The following SLC6A4 variants were observed in gnomAD, a reference collection of about 807,000 sequenced individuals.
The protein encoded by SLC6A4 is sodium-dependent serotonin transporter.
A neutral mutation model predicts 73.4 loss-of-function variants in SLC6A4; 22 were observed. That is an observed-to-expected ratio of 0.30 (90% CI 0.21 to 0.43). SLC6A4 has a LOEUF of 0.43. Ranked by LOEUF, SLC6A4 falls within the 20% of genes least tolerant of loss-of-function variation. The pLI, the probability that SLC6A4 is intolerant of heterozygous loss-of-function variation, is 1.00. For missense variants in SLC6A4, 593 were observed against 808.5 expected, an observed-to-expected ratio of 0.73 and a Z score of 3.23; for synonymous variants, 270 against 315.5, an observed-to-expected ratio of 0.86 and a Z score of 1.53.
At chr17:30,200,053 G>A (rs193033053) in intron 14 of SLC6A4, among the ~76,000 whole-genome samples, 174 of 152,232 alleles carry the variant, frequency 1.1e-3, no homozygotes, top group African/African-American at 3.6e-3. Context: ...TGCATGGTAC[G>A]ATGCTCAACT....
chr17:30,206,255 AAAAC>A, intron 13 of SLC6A4: 1 of 152,068 alleles, frequency 6.6e-6, no homozygotes, highest in African/African-American at 2.4e-5. Flanking sequence ...AAAAAAAAAA[AAAAC>A]ACAAAAAAAA....
At position 30,218,319 on chromosome 17, in the gene SLC6A4, C is replaced by G. The variant is rs1451855468; in HGVS notation, c.497G>C (p.Cys166Ser). Residue 166 changes from cysteine (C) to serine (S), a missense_variant, in exon 5 of 15, where the codon TGC becomes TCC. Cys to Ser is a moderately radical substitution (Grantham distance 112, BLOSUM62 -1). Coordinates refer to ENST00000650711, the MANE Select transcript of SLC6A4 (RefSeq NM_001045.6). Reference sequence around the variant, plus strand: ...GGAAGCAATGTAAAAGGCAATGATGCAGATGGCATAACCAATCCCTGGGCA... The same window carrying G: ...GGAAGCAATGTAAAAGGCAATGATGGAGATGGCATAACCAATCCCTGGGCA... The part of the protein sequence containing the change: ...PIFKGIGYAI[C>S]IIAFYIASYY... 1.2e-6 allele frequency: 2 copies of G among 1,613,804 alleles called. No individual in the cohort carries two copies. The highest frequency in any genetic ancestry group is 2.2e-5 in the East Asian group (1 of 44,864).
In SLC6A4 at chr17:30,217,225, T is replaced by C. The variant is rs1459205643; in HGVS notation, c.778A>G (p.Met260Val). The C allele has an allele frequency of 1.9e-6, 3 of 1,614,066 alleles. No individual in the cohort carries two copies. Among genetic ancestry groups the C allele is most frequent in the Admixed American group, 3.3e-5 (2 of 60,024 alleles). ...AAGTAGATAACAGTGAAGATCAGCA[T>C]GATGCAGAGGGCCAGCTGCCAGCTG... ...GISWQLALCI[M>V]LIFTVIYFSI... The change falls in exon 6 of 15, where the codon ATG (methionine) becomes GTG (valine). Residue 260 changes from methionine (M) to valine (V), a missense_variant. Met to Val is a conservative substitution (Grantham distance 21). Coordinates refer to ENST00000650711, the MANE Select transcript of SLC6A4 (RefSeq NM_001045.6).
At chr17:30,212,626 C>T in intron 9 of SLC6A4, 114 bp downstream of exon 9, 1 of 1,304,410 alleles carries the variant, frequency 7.7e-7, no homozygotes, top group Non-Finnish European at 1.1e-6. Flanking sequence ...GCCCAGCCTT[C>T]TTTGGAAAAT....
intron 8 of SLC6A4, among the ~76,000 whole-genome samples, chr17:30,215,379 C>T (rs570729894): frequency 6.6e-6 from 1 of 152,326 alleles, no homozygotes; most frequent in Admixed American, 6.5e-5. Context: ...CTGACAAAAC[C>T]GAAGGGCATG....
intron 1 of SLC6A4, among the ~76,000 whole-genome samples, chr17:30,224,622 C>T (rs1208671971): frequency 6.6e-6 from 1 of 152,206 alleles, no homozygotes; most frequent in Non-Finnish European, 1.5e-5. Flanking sequence ...TCCCTGGCCT[C>T]TCTACCCAGG....
intron 14 of SLC6A4, 52 bp from the exon 15 acceptor site, chr17:30,198,582 T>C (rs760313312): frequency 2.9e-6 from 3 of 1,047,932 alleles, no homozygotes; most frequent in Non-Finnish European, 4.4e-6. Flanking sequence ...TTTTAAAACT[T>C]GCAAAAATAG....
Position 30,210,595 on chromosome 17 carries a change from C to G in SLC6A4, c.1369G>C (p.Val457Leu), listed in dbSNP as rs190758123. The G allele has an allele frequency of 6.2e-7, 1 of 1,613,754 alleles. No individual in the cohort carries two copies. Among genetic ancestry groups the G allele is most frequent in the Non-Finnish European group, 8.5e-7 (1 of 1,179,878 alleles). The change falls in exon 11 of 15, where the codon GTC becomes CTC. Residue 457 changes from valine to leucine, a missense_variant. By Grantham distance (32) the Val-to-Leu change is conservative. Coordinates refer to ENST00000650711, the MANE Select transcript of SLC6A4 (RefSeq NM_001045.6). ...AACCGCTCCCGGCGCTTGGCCCAGA[C>G]GTGTGGGAACTCATCCAGCACAGCC... is the stretch of plus-strand genomic sequence containing the variant. ...ITAVLDEFPH[V>L]WAKRRERFVL...
At position 30,222,868 on chromosome 17, in the gene SLC6A4, G is replaced by A. The variant is rs45541837; in HGVS notation, c.-173C>T. On this transcript the variant is annotated 5_prime_UTR_variant, in exon 2 of 15. Transcript: ENST00000650711. ...AGCAACTCCTGTGGCTAAGCCCCTT[G>A]TTATTCTGCAAGAGAGGGCAAGCAA... 1 of 1,303,556 alleles carries A rather than the reference G, an allele frequency of 7.7e-7. No homozygotes were observed. The highest frequency in any genetic ancestry group is 1.5e-5 in the African/African-American group (1 of 65,838). 80.7% of individuals were successfully genotyped at this position (1,303,556 alleles called of 1,614,324 possible). A position where few individuals can be genotyped will look rare whatever the true frequency, so the allele number is the denominator to read the frequency against.
intron 1 of SLC6A4, among the ~76,000 whole-genome samples, chr17:30,234,061 G>A (rs1032721771): frequency 4.0e-5 from 6 of 151,860 alleles, no homozygotes; most frequent in East Asian, 1.9e-4. Context: ...ACCTATTTGC[G>A]AAACTCTTCA....
rs200558088 is a variant in SLC6A4, at chr17:30,194,902, T to G, written c.*3554A>C. On this transcript the variant is annotated 3_prime_UTR_variant, in exon 15 of 15. Transcript: ENST00000650711. ...TTAGTTCAGTAGACATTCAAACTTA[T>G]TCTGACGAGGTCCTTCACCAATGCA... 1 of 152,234 alleles carries G rather than the reference T, an allele frequency of 6.6e-6. No homozygotes were observed. Among genetic ancestry groups the G allele is most frequent in the East Asian group, 1.9e-4 (1 of 5,202 alleles). 9.4% of individuals were successfully genotyped at this position (152,234 alleles called of 1,614,324 possible).
In SLC6A4 at chr17:30,196,519, A is replaced by G. The variant is rs1432241398; in HGVS notation, c.*1937T>C. ...TGTCTAAGTATGTGGGGTGGGGAGAATCCATATCCGAATATCTTCATAAAG... is the reference window on the plus strand; with the variant it reads ...TGTCTAAGTATGTGGGGTGGGGAGAGTCCATATCCGAATATCTTCATAAAG... On this transcript the variant is annotated 3_prime_UTR_variant, in exon 15 of 15. Coordinates refer to ENST00000650711, the MANE Select transcript of SLC6A4 (RefSeq NM_001045.6). 1 of 152,332 alleles carries G rather than the reference A, an allele frequency of 6.6e-6. No homozygotes were observed. Among genetic ancestry groups the G allele is most frequent in the African/African-American group, 2.4e-5 (1 of 41,442 alleles). 9.4% of individuals were successfully genotyped at this position (152,332 alleles called of 1,614,324 possible).
chr17:30,225,844 C>T (rs1457232846), intron 1 of SLC6A4, among the ~76,000 whole-genome samples: 2 of 152,206 alleles, frequency 1.3e-5, no homozygotes, highest in South Asian at 2.1e-4. Flanking sequence ...GAAGCTAATG[C>T]ACTCCATTCC....
At chr17:30,207,136 T>G (rs1303191205) in intron 13 of SLC6A4, among the ~76,000 whole-genome samples, 1 of 152,256 alleles carries the variant, frequency 6.6e-6, no homozygotes, top group Non-Finnish European at 1.5e-5. Flanking sequence ...TCCATAAATG[T>G]TATGCATCAC....
chr17:30,215,885 C>A (rs1398938818), intron 7 of SLC6A4, among the ~76,000 whole-genome samples, 171 bp from the exon 8 acceptor site: 1 of 152,184 alleles, frequency 6.6e-6, no homozygotes, highest in African/African-American at 2.4e-5. Flanking sequence ...AATGTGATTT[C>A]TCTTCCTATG....
rs1280245990 is a variant in SLC6A4 at position 30,211,179 on chromosome 17, G to T, written c.1317+133C>A. 7 of 629,240 alleles carry T rather than the reference G, an allele frequency of 1.1e-5. No individual in the cohort carries two copies. The highest frequency in any genetic ancestry group is 9.1e-5 in the African/African-American group (5 of 54,948). 39.0% of individuals were successfully genotyped at this position (629,240 alleles called of 1,614,324 possible). ...GGTAAATGCCGAGGAGTCAGCCGGGGGTCTGGAGCACCAGAAGGGAGTAGC... is the reference window on the plus strand; with the variant it reads ...GGTAAATGCCGAGGAGTCAGCCGGGTGTCTGGAGCACCAGAAGGGAGTAGC... On this transcript the variant is annotated intron_variant, in intron 10 of 14. Transcript: ENST00000650711. The surrounding 1 kb of genome is among the most constrained non-coding windows in gnomAD (Gnocchi z 4.0).
chr17:30,233,981 C>T (rs1907193675), intron 1 of SLC6A4, among the ~76,000 whole-genome samples: 1 of 152,090 alleles, frequency 6.6e-6, no homozygotes, highest in Non-Finnish European at 1.5e-5. Flanking sequence ...CAAGCACCTG[C>T]TGTAAGAAAC....
rs1187808217 is a variant in SLC6A4, at chr17:30,222,869, T to C, written c.-174A>G. 1 of 1,303,590 alleles carries C rather than the reference T, an allele frequency of 7.7e-7. No individual in the cohort carries two copies. Among genetic ancestry groups the C allele is most frequent in the East Asian group, 5.5e-5 (1 of 18,158 alleles). The allele number at this position is 1,303,590 out of a possible 1,614,324, so 80.8% of individuals were successfully genotyped here. A position where few individuals can be genotyped will look rare whatever the true frequency, so the allele number is the denominator to read the frequency against. ...GCAACTCCTGTGGCTAAGCCCCTTG[T>C]TATTCTGCAAGAGAGGGCAAGCAAG... On this transcript the variant is annotated 5_prime_UTR_variant, in exon 2 of 15. Coordinates refer to ENST00000650711, the MANE Select transcript of SLC6A4 (RefSeq NM_001045.6).
rs56290842 is a variant in SLC6A4, at chr17:30,202,149, T to C, written c.1818+1023A>G. 4.1e-3 allele frequency among the ~76,000 whole-genome samples: 621 copies of C among 152,310 alleles called. 4 individuals carry two copies. The highest frequency in any genetic ancestry group is 0.014 in the African/African-American group (572 of 41,570). ...ATGTTCTCTTGCTTCTCATTTCTTATGAAATGTCTTAGGATGACTATTGTG... is the reference window on the plus strand; with the variant it reads ...ATGTTCTCTTGCTTCTCATTTCTTACGAAATGTCTTAGGATGACTATTGTG... On this transcript the variant is annotated intron_variant, in intron 14 of 14. Transcript: ENST00000650711.
Sources: gnomAD v4.1 joint callset for allele counts (sites outside exome capture counted in the v4.1 genomes callset) on GRCh38, gnomAD v4.1.1 for gene constraint, Gnocchi (gnomAD v3.1) non-coding constraint, MANE v1.5 for transcripts, NCBI Gene and HGNC (gene_info 2026-07-23, HGNC 2026-07-21) for gene names.